ZNF503: variants seen among roughly 807,000 people sequenced by gnomAD.
ZNF503 encodes NocA-like zinc finger 2.
A neutral mutation model predicts 34.4 loss-of-function variants in ZNF503; 15 were observed. The observed-to-expected ratio is 0.44, with a 90% CI of 0.29 to 0.67. The LOEUF (loss-of-function observed/expected upper bound fraction) is 0.67. Ranked by LOEUF, ZNF503 falls within the 30% of genes least tolerant of loss-of-function variation. The probability of loss-of-function intolerance (pLI) is 0.13; values close to 1 mark genes in which losing one functional copy is unlikely to be tolerated. For missense variants in ZNF503, 1,007 were observed against 926.8 expected, an observed-to-expected ratio of 1.09 and a Z score of -1.12; for synonymous variants, 580 against 456.8, an observed-to-expected ratio of 1.27 and a Z score of -3.44.
Position 75,401,206 on chromosome 10 carries a change from G to A in ZNF503, c.214C>T (p.Leu72=), listed in dbSNP as rs746463663. The A allele has an allele frequency of 5.6e-6, 9 of 1,608,616 alleles. No homozygotes were observed. Among genetic ancestry groups the A allele is most frequent in the South Asian group, 1.1e-5 (1 of 90,360 alleles). The change falls in exon 1 of 2, where the codon CTG becomes TTG. Residue 72 remains leucine (L), a synonymous_variant. Coordinates refer to ENST00000372524, the MANE Select transcript of ZNF503 (RefSeq NM_032772.6). ...PSDPLRQANR[L]PIKVLKMLTA... ...AGCATCTTCAGCACCTTGATTGGCA[G>A]GCGGTTGGCCTGGCGCAGGGGGTCA...
the ZNF503 span, among the ~76,000 whole-genome samples, chr10:75,350,953 C>T: frequency 6.6e-6 from 1 of 151,008 alleles, no homozygotes; most frequent in Non-Finnish European, 1.5e-5. Context: ...CCACATGGGG[C>T]TACTTCATTT....
chr10:75,305,496 T>A, the ZNF503 span, among the ~76,000 whole-genome samples: 1 of 152,136 alleles, frequency 6.6e-6, no homozygotes, highest in African/African-American at 2.4e-5. Context: ...TAATACAAGT[T>A]TTTTTGTTTT....
chr10:75,333,276 C>CA, the ZNF503 span, among the ~76,000 whole-genome samples: 1 of 72,242 alleles, frequency 1.4e-5, no homozygotes, highest in African/African-American at 5.8e-5. Context: ...GCTGGCCGGG[C>CA]GGGGGGCTGA....
the ZNF503 span, among the ~76,000 whole-genome samples, chr10:75,300,760 C>T: frequency 2.3e-5 from 3 of 130,518 alleles, no homozygotes; most frequent in African/African-American, 6.1e-5. Context: ...GGCTGGAGTG[C>T]GATGGTGCGG....
chr10:75,396,062 C>G (rs1843692958), downstream of ZNF503, among the ~76,000 whole-genome samples: 1 of 152,154 alleles, frequency 6.6e-6, no homozygotes. This position sits in a 1 kb window ranked among gnomAD's most constrained non-coding sequence, Gnocchi z 4.4. Flanking sequence ...TGGTAGACGC[C>G]TGGCTTTCAG....
chr10:75,344,712 G>T, the ZNF503 span, among the ~76,000 whole-genome samples: 1 of 152,196 alleles, frequency 6.6e-6, no homozygotes, highest in Non-Finnish European at 1.5e-5. Flanking sequence ...GCCACTGTTG[G>T]CTGGGTATTC....
the ZNF503 span, among the ~76,000 whole-genome samples, chr10:75,362,784 A>G: frequency 6.6e-6 from 1 of 152,062 alleles, no homozygotes; most frequent in South Asian, 2.1e-4. Context: ...CCATCAGAAG[A>G]CATTAGAGTC....
the ZNF503 span, among the ~76,000 whole-genome samples, chr10:75,339,822 G>A: frequency 9.9e-5 from 15 of 152,192 alleles, no homozygotes; most frequent in South Asian, 4.2e-4. Flanking sequence ...CCATTGATTC[G>A]TCATGGGAAA....
chr10:75,396,716 T>C (rs1843704587), downstream of ZNF503, among the ~76,000 whole-genome samples: 1 of 151,996 alleles, frequency 6.6e-6, no homozygotes, highest in Non-Finnish European at 1.5e-5. This position sits in a 1 kb window ranked among gnomAD's most constrained non-coding sequence, Gnocchi z 4.4. Flanking sequence ...CTCAGAGCTG[T>C]GACTCCACGG....
the ZNF503 span, among the ~76,000 whole-genome samples, chr10:75,353,384 C>T: frequency 6.6e-6 from 1 of 152,160 alleles, no homozygotes; most frequent in Non-Finnish European, 1.5e-5. Flanking sequence ...CTGCGGAGAC[C>T]TTTGACCCTG....
the ZNF503 span, among the ~76,000 whole-genome samples, chr10:75,289,911 A>G: frequency 6.6e-6 from 1 of 152,164 alleles, no homozygotes; most frequent in Non-Finnish European, 1.5e-5. Context: ...AAACACATTC[A>G]TAGTGCTATG....
chr10:75,370,191 C>T, the ZNF503 span, among the ~76,000 whole-genome samples: 14 of 152,070 alleles, frequency 9.2e-5, no homozygotes, highest in Admixed American at 5.9e-4. Context: ...TAGGTATTTA[C>T]GTTTATAATA....
the ZNF503 span, among the ~76,000 whole-genome samples, chr10:75,284,381 G>T: frequency 0.023 from 3,525 of 151,806 alleles, 66 homozygotes; most frequent in Non-Finnish European, 0.034. Flanking sequence ...GCGGGGAGGG[G>T]GCGTTGGTGG....
chr10:75,318,704 C>T, the ZNF503 span, among the ~76,000 whole-genome samples: 5 of 148,056 alleles, frequency 3.4e-5, no homozygotes, highest in African/African-American at 1.2e-4. Context: ...TAATTTGTCA[C>T]TAGCAGAACT....
At chr10:75,306,024 G>A in the ZNF503 span, among the ~76,000 whole-genome samples, 1 of 152,182 alleles carries the variant, frequency 6.6e-6, no homozygotes, top group Non-Finnish European at 1.5e-5. Flanking sequence ...ATCTCTTCAA[G>A]ATCCTCCTTC....
the ZNF503 span, among the ~76,000 whole-genome samples, chr10:75,331,432 A>G: frequency 6.6e-6 from 1 of 152,174 alleles, no homozygotes; most frequent in Non-Finnish European, 1.5e-5. Context: ...ATTGGAGTCT[A>G]TCTCTCCCTT....
chr10:75,282,672 T>C, the ZNF503 span, among the ~76,000 whole-genome samples: 1 of 152,150 alleles, frequency 6.6e-6, no homozygotes, highest in South Asian at 2.1e-4. Context: ...GAAGGAGGAA[T>C]TGAATCGCAC....
At chr10:75,282,616 C>T in the ZNF503 span, among the ~76,000 whole-genome samples, 2 of 152,208 alleles carry the variant, frequency 1.3e-5, no homozygotes, top group Non-Finnish European at 2.9e-5. Context: ...CTCCCACCCT[C>T]ATGGGAAGGA....
At chr10:75,293,300 A>G in the ZNF503 span, among the ~76,000 whole-genome samples, 49 of 152,316 alleles carry the variant, frequency 3.2e-4, 2 homozygotes, top group East Asian at 9.1e-3. Flanking sequence ...GCCAGGGGTC[A>G]TAGGACATCA....
Sources: allele counts gnomAD v4.1 joint callset (sites outside exome capture counted in the v4.1 genomes callset), GRCh38; gene constraint gnomAD v4.1.1; non-coding constraint Gnocchi (gnomAD v3.1); transcripts MANE v1.5; gene names NCBI Gene and HGNC (gene_info 2026-07-23, HGNC 2026-07-21).